Variants in LRMDA observed in about 807,000 individuals in gnomAD.
LRMDA encodes leucine rich melanocyte differentiation associated.
Under a neutral mutation model 29.8 loss-of-function variants are expected in LRMDA, and 18 were observed. That is an observed-to-expected ratio of 0.60 (90% CI 0.42 to 0.90). LRMDA has a LOEUF of 0.90. Ranked by LOEUF, LRMDA falls within the 40% of genes least tolerant of loss-of-function variation. LRMDA has a pLI of 0.00. For missense variants in LRMDA, 273 were observed against 273.9 expected, an observed-to-expected ratio of 1.00 and a Z score of 0.02; for synonymous variants, 125 against 109.4, an observed-to-expected ratio of 1.14 and a Z score of -0.89.
At chr10:75,580,078 C>T (rs1339531099) in intron 2 of LRMDA, among the ~76,000 whole-genome samples, 1 of 152,116 alleles carries the variant, frequency 6.6e-6, no homozygotes, top group Non-Finnish European at 1.5e-5. Context: ...CCAGGGTAAT[C>T]AGGCAAGAGA....
intron 2 of LRMDA, among the ~76,000 whole-genome samples, chr10:75,821,088 A>C (rs550174172): frequency 1.3e-5 from 2 of 152,318 alleles, no homozygotes; most frequent in South Asian, 4.1e-4. Context: ...CAGACATACA[A>C]GGAAGAACTA....
intron 6 of LRMDA, among the ~76,000 whole-genome samples, chr10:76,390,645 TC>T (rs1334660844): frequency 6.6e-6 from 1 of 151,890 alleles, no homozygotes; most frequent in African/African-American, 2.4e-5. Context: ...TCATTGCCCC[TC>T]CCATCCAGGT....
chr10:76,213,152 A>T (rs1482778937), intron 5 of LRMDA, among the ~76,000 whole-genome samples: 1 of 152,234 alleles, frequency 6.6e-6, no homozygotes, highest in Non-Finnish European at 1.5e-5. Context: ...CCTTTTAAAA[A>T]CAAAATAGAT....
chr10:75,896,508 G>T (rs1845584789), intron 2 of LRMDA, among the ~76,000 whole-genome samples: 2 of 152,116 alleles, frequency 1.3e-5, no homozygotes, highest in African/African-American at 4.8e-5. Flanking sequence ...GTGTGTCACA[G>T]GGGCCTGTGG....
intron 5 of LRMDA, among the ~76,000 whole-genome samples, chr10:76,271,037 T>C (rs1840062270): frequency 6.6e-6 from 1 of 152,226 alleles, no homozygotes; most frequent in Non-Finnish European, 1.5e-5. Context: ...GTCCTTTGCC[T>C]AAATGCTAAA....
chr10:76,280,472 A>G (rs1421057743), intron 5 of LRMDA, among the ~76,000 whole-genome samples: 1 of 152,218 alleles, frequency 6.6e-6, no homozygotes, highest in Non-Finnish European at 1.5e-5. Context: ...CCTGATACTG[A>G]AAATTATTGA....
rs1281183627 is a variant in LRMDA, at chr10:76,533,140, CGAGAGCGAGAGT to C, written c.602-24063_602-24052del. On this transcript the variant is annotated intron_variant, in intron 6 of 6. Coordinates refer to ENST00000611255, the MANE Select transcript of LRMDA (RefSeq NM_001305581.2). ...AAAATAACCACTTGTAGATGGAGAGCGAGAGCGAGAGTGAGAGAGAGCGAGAGAGAGAATGAA... is the reference window on the plus strand; with the variant it reads ...AAAATAACCACTTGTAGATGGAGAGCGAGAGAGAGCGAGAGAGAGAATGAA... Among the ~76,000 whole-genome samples, 6 of 130,164 alleles carry C rather than the reference CGAGAGCGAGAGT, an allele frequency of 4.6e-5. No individual in the cohort carries two copies. In the Admixed American group the frequency reaches 4.9e-4, roughly 11 times the overall value. The allele number at this position is 130,164 out of a possible 152,430, so 85.4% of individuals were successfully genotyped here.
intron 6 of LRMDA, among the ~76,000 whole-genome samples, chr10:76,455,593 G>T (rs1250712406): frequency 6.6e-6 from 1 of 152,112 alleles, no homozygotes; most frequent in Non-Finnish European, 1.5e-5. Context: ...AGGCCAAAAG[G>T]TCTGTTCTCC....
At chr10:75,948,531 T>C (rs963110909) in intron 2 of LRMDA, among the ~76,000 whole-genome samples, 1 of 152,200 alleles carries the variant, frequency 6.6e-6, no homozygotes, top group Non-Finnish European at 1.5e-5. Context: ...GCACTGTTCC[T>C]GCCTGTTACG....
chr10:75,702,032 C>T (rs1842314411), intron 2 of LRMDA, among the ~76,000 whole-genome samples: 1 of 152,152 alleles, frequency 6.6e-6, no homozygotes, highest in Admixed American at 6.5e-5. Flanking sequence ...CATGCCATTC[C>T]CACTGTTTGC....
chr10:75,456,427 G>T (rs1844518683), intron 2 of LRMDA, among the ~76,000 whole-genome samples: 1 of 152,194 alleles, frequency 6.6e-6, no homozygotes, highest in African/African-American at 2.4e-5. Flanking sequence ...TCATGCCACA[G>T]TGTTTCTGCA....
At chr10:76,412,515 G>C (rs1052418335) in intron 6 of LRMDA, among the ~76,000 whole-genome samples, 1 of 152,132 alleles carries the variant, frequency 6.6e-6, no homozygotes, top group African/African-American at 2.4e-5. Context: ...ACACAAAAAA[G>C]AGTTCATCTC....
intron 2 of LRMDA, among the ~76,000 whole-genome samples, chr10:75,569,645 G>A (rs529718429): frequency 3.3e-5 from 5 of 152,190 alleles, no homozygotes; most frequent in Non-Finnish European, 7.3e-5. Context: ...TATATATCAA[G>A]CTATTATTTA....
At chr10:76,549,950 G>A (rs377334921) in intron 6 of LRMDA, among the ~76,000 whole-genome samples, 4 of 152,202 alleles carry the variant, frequency 2.6e-5, no homozygotes, top group East Asian at 3.9e-4. Context: ...TCTTCTTGTC[G>A]CAATTTAGAT....
At chr10:75,459,683 A>G (rs557835918) in intron 2 of LRMDA, among the ~76,000 whole-genome samples, 2 of 152,334 alleles carry the variant, frequency 1.3e-5, no homozygotes, top group East Asian at 3.9e-4. Flanking sequence ...GTGTTGCTAG[A>G]CAGTATACCT....
chr10:76,240,992 T>C (rs1852267482), intron 5 of LRMDA, among the ~76,000 whole-genome samples: 1 of 152,046 alleles, frequency 6.6e-6, no homozygotes. Flanking sequence ...ACCATTATTC[T>C]AAATGAAGTA....
At chr10:76,373,593 T>C (rs1158339732) in intron 6 of LRMDA, among the ~76,000 whole-genome samples, 1 of 152,130 alleles carries the variant, frequency 6.6e-6, no homozygotes, top group Non-Finnish European at 1.5e-5. Context: ...CTACCATCAG[T>C]TGCATTGGTT....
At chr10:75,619,673 A>G (rs1163819307) in intron 2 of LRMDA, among the ~76,000 whole-genome samples, 2 of 152,224 alleles carry the variant, frequency 1.3e-5, no homozygotes, top group Middle Eastern at 3.4e-3. Context: ...AGATGATCCC[A>G]TCCTACACAC....
At chr10:75,625,607 C>A (rs1044724505) in intron 2 of LRMDA, among the ~76,000 whole-genome samples, 2 of 152,120 alleles carry the variant, frequency 1.3e-5, no homozygotes, top group Non-Finnish European at 2.9e-5. Context: ...TGTTCATCTT[C>A]TGTCTCTAAC....
Sources: gnomAD v4.1 joint callset for allele counts (sites outside exome capture counted in the v4.1 genomes callset) on GRCh38, gnomAD v4.1.1 for gene constraint, MANE v1.5 for transcripts, NCBI Gene and HGNC (gene_info 2026-07-23, HGNC 2026-07-21) for gene names.